Variants in CD164 observed in about 807,000 individuals in gnomAD.
CD164 encodes CD164 molecule.
A neutral mutation model predicts 24.6 loss-of-function variants in CD164; 11 were observed. The observed-to-expected ratio is 0.45, with a 90% confidence interval of 0.28 to 0.74. The LOEUF (loss-of-function observed/expected upper bound fraction) is 0.74. CD164 is among the 30% of genes least tolerant of loss of function. The pLI is 0.13. For synonymous variants in CD164, 126 were observed against 100.3 expected (o/e 1.26, Z -1.53); for missense variants, 295 against 243.7 (o/e 1.21, Z -1.40).
At chr6:109,378,020 G>T (rs144462229) in intron 2 of CD164, 49 bp from the exon 3 acceptor site, 2 of 1,466,522 alleles carry the variant, frequency 1.4e-6, no homozygotes, top group Middle Eastern at 1.7e-4. Flanking sequence ...CCACCCATTT[G>T]TATTATCTTT....
Position 109,369,007 on chromosome 6 carries a change from A to G in CD164, c.438T>C (p.Asn146=). 1 of 1,612,180 alleles carries G rather than the reference A, an allele frequency of 6.2e-7. No homozygotes were observed. Among genetic ancestry groups the G allele is most frequent in the Non-Finnish European group, 8.5e-7 (1 of 1,179,290 alleles). The part of the protein sequence containing the change: ...SKTVTTSGTT[N]NTVTPTSQPV... ...GTTGTGAGGTTGGAGTCACAGTGTT[A>G]TTTGTTGTACCTGTTAGATAAGACA... The change falls in exon 6 of 6, where the codon AAT becomes AAC. Residue 146 remains asparagine, a synonymous_variant. Transcript: ENST00000310786.
Position 109,366,911 on chromosome 6 carries a change from AT to A in CD164, c.*1939del. 1 of 152,190 alleles carries A rather than the reference AT, an allele frequency of 6.6e-6. No individual in the cohort carries two copies. Among genetic ancestry groups the A allele is most frequent in the East Asian group, 1.9e-4 (1 of 5,170 alleles). 9.4% of individuals were successfully genotyped at this position (152,190 alleles called of 1,614,324 possible). A position where few individuals can be genotyped will look rare whatever the true frequency, so the allele number is the denominator to read the frequency against. ...AAAATTACAGAAGCTTCAAATTGTT[AT>A]GTTTTCACAAAATTTGCTACATATG... On this transcript the variant is annotated 3_prime_UTR_variant, in exon 6 of 6. Coordinates refer to ENST00000310786, the MANE Select transcript of CD164 (RefSeq NM_006016.6).
intron 3 of CD164, among the ~76,000 whole-genome samples, chr6:109,376,371 C>T (rs968973292): frequency 2.6e-5 from 4 of 152,186 alleles, no homozygotes; most frequent in Non-Finnish European, 5.9e-5. Flanking sequence ...CAGGCCATCA[C>T]GCATAACCTC....
At position 109,370,468 on chromosome 6, in the gene CD164, C is replaced by G. The variant is rs753364614; in HGVS notation, c.371-1G>C. On this transcript the variant is annotated splice_acceptor_variant, in intron 4 of 5. Coordinates refer to ENST00000310786, the MANE Select transcript of CD164 (RefSeq NM_006016.6). LOFTEE classifies it high-confidence loss of function. ...GGGGAGGGCTGAACTGTGGGTTTAG[C>G]TGGAATGAAAACAAAATGTCTTTTT... 1.2e-6 allele frequency: 2 copies of G among 1,611,286 alleles called. No individual in the cohort carries two copies. The highest frequency in any genetic ancestry group is 2.2e-5 in the East Asian group (1 of 44,772).
Position 109,381,648 on chromosome 6 carries a change from C to T in CD164, c.175+556G>A, listed in dbSNP as rs898185307. 14 of 698,504 alleles carry T rather than the reference C, an allele frequency of 2.0e-5. No homozygotes were observed. The East Asian group carries it at 3.5e-4, about 17-fold the overall frequency. The allele number at this position is 698,504 out of a possible 1,614,324, so 43.3% of individuals were successfully genotyped here. A position where few individuals can be genotyped will look rare whatever the true frequency, so the allele number is the denominator to read the frequency against. On this transcript the variant is annotated intron_variant, in intron 1 of 5. Transcript: ENST00000310786. The stretch of plus-strand genomic sequence containing the variant: ...TACATTCTATTCCTATCTGCAAAAC[C>T]AATGTAATTAAATCTCAAGCGACCT...
rs1180096468 is a variant in CD164 at position 109,382,410 on chromosome 6, C to G, written c.-32G>C. ...CTCAGCGCTGGCGTTCGGGAGAAAG[C>G]TAAGGCTCGCAACGCTCAGTCAACC... On this transcript the variant is annotated 5_prime_UTR_variant, in exon 1 of 6. Coordinates refer to ENST00000310786, the MANE Select transcript of CD164 (RefSeq NM_006016.6). 9 of 1,483,994 alleles carry G rather than the reference C, an allele frequency of 6.1e-6. No individual in the cohort carries two copies. Among genetic ancestry groups the G allele is most frequent in the Non-Finnish European group, 8.1e-6 (9 of 1,115,078 alleles). 91.9% of individuals were successfully genotyped at this position (1,483,994 alleles called of 1,614,324 possible).
At position 109,368,971 on chromosome 6, in the gene CD164, C is replaced by G. The variant is rs765350676; in HGVS notation, c.474G>C (p.Lys158Asn). 1.2e-6 allele frequency: 2 copies of G among 1,613,892 alleles called. No individual in the cohort carries two copies. The highest frequency in any genetic ancestry group is 2.7e-5 in the African/African-American group (2 of 75,040). ...TGAAACTGGCTGCATCAAAGGTAGA[C>G]TTTCGCACAGGTTGTGAGGTTGGAG... The part of the protein sequence containing the change: ...TVTPTSQPVR[K>N]STFDAASFIG... The change falls in exon 6 of 6, where the codon AAG (lysine) becomes AAC (asparagine). Residue 158 changes from lysine to asparagine, a missense_variant. Coordinates refer to ENST00000310786, the MANE Select transcript of CD164 (RefSeq NM_006016.6).
In CD164 at chr6:109,377,904, A is replaced by ACAGAAGTCTGTCGTGTTC; in HGVS notation, c.309_326dup (p.Phe108_Cys109insTrpAsnThrThrAspPhe). On this transcript the variant is annotated inframe_insertion, in exon 3 of 6. Coordinates refer to ENST00000310786, the MANE Select transcript of CD164 (RefSeq NM_006016.6). ...GCAGCCAATATGAATACTTACCGGA[A>ACAGAAGTCTGTCGTGTTC]CAGAAGTCTGTCGTGTTCCCCACTT... 6.2e-7 allele frequency: 1 copy of ACAGAAGTCTGTCGTGTTC among 1,612,910 alleles called. No individual in the cohort carries two copies. Among genetic ancestry groups the ACAGAAGTCTGTCGTGTTC allele is most frequent in the Non-Finnish European group, 8.5e-7 (1 of 1,178,994 alleles).
At position 109,368,977 on chromosome 6, in the gene CD164, C is replaced by T; in HGVS notation, c.468G>A (p.Val156=). The T allele has an allele frequency of 6.2e-7, 1 of 1,613,838 alleles. No individual in the cohort carries two copies. The highest frequency in any genetic ancestry group is 8.5e-7 in the Non-Finnish European group (1 of 1,179,840). Residue 156 remains valine (V), a synonymous_variant, in exon 6 of 6, where the codon GTG becomes GTA. Coordinates refer to ENST00000310786, the MANE Select transcript of CD164 (RefSeq NM_006016.6). Reference sequence around the variant, plus strand: ...TGGCTGCATCAAAGGTAGACTTTCGCACAGGTTGTGAGGTTGGAGTCACAG... The same window carrying T: ...TGGCTGCATCAAAGGTAGACTTTCGTACAGGTTGTGAGGTTGGAGTCACAG... ...NNTVTPTSQP[V]RKSTFDAASF... is the part of the protein sequence containing the mutation.
intron 4 of CD164, among the ~76,000 whole-genome samples, chr6:109,373,274 A>C (rs1322173553): frequency 6.6e-6 from 1 of 152,144 alleles, no homozygotes; most frequent in Non-Finnish European, 1.5e-5. Context: ...TATTTTGGCT[A>C]TTCTATTATT....
chr6:109,372,990 C>A (rs913900162), intron 4 of CD164: 1 of 135,740 alleles, frequency 7.4e-6, no homozygotes, highest in Non-Finnish European at 1.7e-5. Flanking sequence ...AGGGAATATA[C>A]CTCTGTTGAC....
At chr6:109,381,555 G>C in intron 1 of CD164, 1 of 702,520 alleles carries the variant, frequency 1.4e-6, no homozygotes, top group Non-Finnish European at 2.6e-6. Flanking sequence ...ACATACATGG[G>C]TACTTTTCTT....
rs1770801713 is a variant in CD164, at chr6:109,367,091, T to C, written c.*1760A>G. The C allele has an allele frequency of 6.6e-6, 1 of 152,580 alleles. No homozygotes were observed. Among genetic ancestry groups the C allele is most frequent in the South Asian group, 2.1e-4 (1 of 4,832 alleles). The allele number at this position is 152,580 out of a possible 1,614,324, so 9.5% of individuals were successfully genotyped here. A position where few individuals can be genotyped will look rare whatever the true frequency, so the allele number is the denominator to read the frequency against. On this transcript the variant is annotated 3_prime_UTR_variant, in exon 6 of 6. Transcript: ENST00000310786. ...AAAACTAACAGCCATGGCACCATAA[T>C]ACATTTTGTGAGGTACCTAGAATAT...
At chr6:109,371,318 TC>T (rs1281542517) in intron 4 of CD164, 1 of 152,228 alleles carries the variant, frequency 6.6e-6, no homozygotes, top group East Asian at 1.9e-4. Flanking sequence ...TGGTGCATTC[TC>T]AGCTCACTGC....
intron 1 of CD164, chr6:109,381,882 A>AC (rs1771772181): frequency 2.1e-6 from 1 of 481,142 alleles, no homozygotes; most frequent in Non-Finnish European, 3.7e-6. Context: ...GAAGGAAGCC[A>AC]CGTCCCCATT....
At position 109,367,619 on chromosome 6, in the gene CD164, GCA is replaced by G. The variant is rs1455563908; in HGVS notation, c.*1230_*1231del. 1 of 152,554 alleles carries G rather than the reference GCA, an allele frequency of 6.6e-6. No homozygotes were observed. The highest frequency in any genetic ancestry group is 1.9e-4 in the East Asian group (1 of 5,192). 9.5% of individuals were successfully genotyped at this position (152,554 alleles called of 1,614,324 possible). ...GAAGGAAGGGAGAGAAAAAGAAAAAGCACAGTCTATTCATCCAGGACAATCAG... is the reference window on the plus strand; with the variant it reads ...GAAGGAAGGGAGAGAAAAAGAAAAAGCAGTCTATTCATCCAGGACAATCAG... On this transcript the variant is annotated 3_prime_UTR_variant, in exon 6 of 6. Transcript: ENST00000310786.
chr6:109,366,945 G>C lies in CD164; in HGVS notation c.*1906C>G, dbSNP rs542793044. The C allele has an allele frequency of 6.6e-6, 1 of 152,324 alleles. No individual in the cohort carries two copies. The highest frequency in any genetic ancestry group is 2.1e-4 in the South Asian group (1 of 4,822). 9.4% of individuals were successfully genotyped at this position (152,324 alleles called of 1,614,324 possible). A position where few individuals can be genotyped will look rare whatever the true frequency, so the allele number is the denominator to read the frequency against. On this transcript the variant is annotated 3_prime_UTR_variant, in exon 6 of 6. Coordinates refer to ENST00000310786, the MANE Select transcript of CD164 (RefSeq NM_006016.6). Reference sequence around the variant, plus strand: ...CAAAATTTGCTACATATGTTGACATGAATGTGTGTCAGGGAATTCATACCC... The same window carrying C: ...CAAAATTTGCTACATATGTTGACATCAATGTGTGTCAGGGAATTCATACCC...
chr6:109,374,602 A>G (rs997976235), intron 4 of CD164, among the ~76,000 whole-genome samples: 1 of 152,228 alleles, frequency 6.6e-6, no homozygotes, highest in African/African-American at 2.4e-5. Flanking sequence ...GTCTGATCAT[A>G]TGACCTATAA....
chr6:109,380,201 C>G (rs758864071), intron 1 of CD164: 1 of 152,288 alleles, frequency 6.6e-6, no homozygotes, highest in African/African-American at 2.4e-5. Flanking sequence ...TCGACAGGAT[C>G]CTCCACAACT....
Sources: allele counts gnomAD v4.1 joint callset (sites outside exome capture counted in the v4.1 genomes callset), GRCh38; gene constraint gnomAD v4.1.1; transcripts MANE v1.5; gene names NCBI Gene and HGNC (gene_info 2026-07-23, HGNC 2026-07-21).